FAR2: variants seen among roughly 807,000 people sequenced by gnomAD.
FAR2 encodes epididymis secretory protein Li 81.
FAR2 carries 19 observed loss-of-function variants against 56.0 expected under a neutral mutation model. The ratio of observed to expected loss-of-function variants is 0.34; its 90% CI spans 0.24 to 0.50. FAR2 has a LOEUF of 0.50. Ranked by LOEUF, FAR2 falls within the 20% of genes least tolerant of loss-of-function variation. FAR2 has a pLI of 0.98. For synonymous variants in FAR2, 219 were observed against 218.8 expected, an observed-to-expected ratio of 1.00 and a Z score of -0.01; for missense variants, 508 against 642.2, an observed-to-expected ratio of 0.79 and a Z score of 2.26.
At chr12:29,221,958 C>T (rs1050074157) in intron 1 of FAR2, among the ~76,000 whole-genome samples, 1 of 152,154 alleles carries the variant, frequency 6.6e-6, no homozygotes, top group African/African-American at 2.4e-5. Context: ...AGCAATTCTC[C>T]TGTCTCAGCC....
chr12:29,183,320 C>T (rs997783319), intron 1 of FAR2, among the ~76,000 whole-genome samples: 2 of 152,110 alleles, frequency 1.3e-5, no homozygotes, highest in Non-Finnish European at 2.9e-5. Flanking sequence ...TTCATTCATT[C>T]CTCCCCTTTC....
At chr12:29,271,806 A>C (rs1948622936) in intron 2 of FAR2, among the ~76,000 whole-genome samples, 3 of 152,188 alleles carry the variant, frequency 2.0e-5, no homozygotes, top group South Asian at 4.1e-4. Context: ...ACCTTACTTC[A>C]TGTATCTTTG....
chr12:29,149,683 G>A (rs1390100631), intron 1 of FAR2, among the ~76,000 whole-genome samples: 1 of 152,236 alleles, frequency 6.6e-6, no homozygotes, highest in Non-Finnish European at 1.5e-5. Flanking sequence ...TGGGGCGCGC[G>A]GGGGTTGCAA....
At chr12:29,333,415 A>C (rs11050200) in intron 11 of FAR2, 229,884 of 507,526 alleles carry the variant, frequency 0.45, 53,306 homozygotes, top group East Asian at 0.57. Context: ...GGAGAGAGGT[A>C]TAAGAGAAAT....
At chr12:29,223,056 T>C (rs1356116612) in intron 1 of FAR2, among the ~76,000 whole-genome samples, 1 of 152,192 alleles carries the variant, frequency 6.6e-6, no homozygotes, top group East Asian at 1.9e-4. Flanking sequence ...CTGTCCTGAA[T>C]CATTTGCATG....
At chr12:29,207,884 T>C (rs73075601) in intron 1 of FAR2, among the ~76,000 whole-genome samples, 213 of 152,336 alleles carry the variant, frequency 1.4e-3, no homozygotes, top group Non-Finnish European at 2.5e-3. Flanking sequence ...ACATTAACTG[T>C]AAGTCTTTGC....
chr12:29,152,984 A>G (rs1265501596), intron 1 of FAR2, among the ~76,000 whole-genome samples: 1 of 152,236 alleles, frequency 6.6e-6, no homozygotes, highest in Non-Finnish European at 1.5e-5. Flanking sequence ...ATCTGGATGC[A>G]GCTGAAGTTT....
At chr12:29,254,655 T>C (rs1948285856) in intron 1 of FAR2, among the ~76,000 whole-genome samples, 2 of 152,178 alleles carry the variant, frequency 1.3e-5, no homozygotes, top group Non-Finnish European at 1.5e-5. Flanking sequence ...TGCTTCATTA[T>C]AAAAGTTTAC....
At chr12:29,256,442 C>A (rs1379337915) in intron 1 of FAR2, among the ~76,000 whole-genome samples, 1 of 152,238 alleles carries the variant, frequency 6.6e-6, no homozygotes, top group East Asian at 1.9e-4. Flanking sequence ...TGTGCCTCAG[C>A]CTCCCAAAGT....
intron 2 of FAR2, among the ~76,000 whole-genome samples, chr12:29,270,850 G>C (rs1218313984): frequency 6.6e-6 from 1 of 152,186 alleles, no homozygotes; most frequent in Non-Finnish European, 1.5e-5. Context: ...GTCCAGGGCA[G>C]GTGAGATTGT....
intron 10 of FAR2, among the ~76,000 whole-genome samples, chr12:29,330,735 G>C (rs1165848489): frequency 6.6e-6 from 1 of 152,162 alleles, no homozygotes; most frequent in East Asian, 1.9e-4. Flanking sequence ...GAGATTCTCA[G>C]AAAATCGTGT....
chr12:29,169,762 C>A lies in FAR2; in HGVS notation c.-39+20355C>A, dbSNP rs1306988667. The stretch of plus-strand genomic sequence containing the variant: ...TAAGGATAGATTTTGTTATTTCTTG[C>A]AAACTGTCTGAGAAATCCTTTGAGA... On this transcript the variant is annotated intron_variant, in intron 1 of 11. Coordinates refer to ENST00000536681, the MANE Select transcript of FAR2 (RefSeq NM_001271783.2). Among the ~76,000 whole-genome samples the A allele has an allele frequency of 7.2e-5, 11 of 152,112 alleles. No individual in the cohort carries two copies. The East Asian group carries it at 2.1e-3, about 29-fold the overall frequency.
At chr12:29,221,982 G>C (rs1177029355) in intron 1 of FAR2, among the ~76,000 whole-genome samples, 1 of 152,002 alleles carries the variant, frequency 6.6e-6, no homozygotes. Flanking sequence ...CAAGTAGCTG[G>C]GATTACAGGT....
intron 10 of FAR2, among the ~76,000 whole-genome samples, chr12:29,324,892 CAT>C (rs1565525925): frequency 6.6e-6 from 1 of 152,204 alleles, no homozygotes; most frequent in Admixed American, 6.5e-5. Context: ...CAAATTCACA[CAT>C]AACAATACTA....
At chr12:29,153,928 TAAAAC>T (rs1235503640) in intron 1 of FAR2, among the ~76,000 whole-genome samples, 1 of 152,068 alleles carries the variant, frequency 6.6e-6, no homozygotes, top group Non-Finnish European at 1.5e-5. Flanking sequence ...AACTGAAAAA[TAAAAC>T]AAAAACTGAT....
intron 4 of FAR2, among the ~76,000 whole-genome samples, chr12:29,305,135 TTTTA>T (rs1274431766): frequency 2.2e-5 from 3 of 134,742 alleles, no homozygotes; most frequent in Non-Finnish European, 5.0e-5. Flanking sequence ...TTATTTTTAT[TTTTA>T]TTTATTTTAT....
At chr12:29,281,679 TG>T (rs902527307) in intron 2 of FAR2, 2 of 149,914 alleles carry the variant, frequency 1.3e-5, no homozygotes, top group Admixed American at 1.3e-4. Flanking sequence ...GTAAAAGACA[TG>T]AACAAAAGGA....
chr12:29,298,093 C>T (rs1402722541), intron 4 of FAR2, among the ~76,000 whole-genome samples: 1 of 150,666 alleles, frequency 6.6e-6, no homozygotes, highest in African/African-American at 2.4e-5. Flanking sequence ...CAAGATCTGG[C>T]AGAAGGTGAC....
At chr12:29,178,198 A>G (rs1949957084) in intron 1 of FAR2, among the ~76,000 whole-genome samples, 1 of 151,820 alleles carries the variant, frequency 6.6e-6, no homozygotes, top group African/African-American at 2.4e-5. Context: ...AAAAAAAAAG[A>G]AATTGGAGTA....
Sources: gnomAD v4.1 joint callset for allele counts (sites outside exome capture counted in the v4.1 genomes callset) on GRCh38, gnomAD v4.1.1 for gene constraint, MANE v1.5 for transcripts, NCBI Gene and HGNC (gene_info 2026-07-23, HGNC 2026-07-21) for gene names.